TNS4: variants seen among roughly 807,000 people sequenced by gnomAD.
TNS4 encodes tensin 4.
In TNS4, 46 loss-of-function variants were observed where a neutral mutation model predicts 70.4. The observed-to-expected ratio is 0.65, with a 90% CI of 0.52 to 0.84. The LOEUF is 0.84. TNS4 is among the 40% of genes least tolerant of loss of function. TNS4 has a pLI of 0.00. For synonymous variants in TNS4, 390 were observed against 366.6 expected, an observed-to-expected ratio of 1.06 and a Z score of -0.73; for missense variants, 863 against 907.0, an observed-to-expected ratio of 0.95 and a Z score of 0.62.
intron 2 of TNS4, among the ~76,000 whole-genome samples, chr17:40,492,829 G>A (rs558743983): frequency 2.0e-5 from 3 of 152,090 alleles, no homozygotes; most frequent in South Asian, 2.1e-4. Context: ...CGAGGTGGAC[G>A]AGGTCAAGAG....
chr17:40,483,576 C>G (rs745967155), intron 6 of TNS4, among the ~76,000 whole-genome samples: 2 of 152,226 alleles, frequency 1.3e-5, no homozygotes, highest in African/African-American at 2.4e-5. Flanking sequence ...ACCAGGTCAT[C>G]TCTGCTGGAG....
In TNS4 at chr17:40,480,710, C is replaced by T; in HGVS notation, c.1731G>A (p.Lys577=). 6.4e-7 allele frequency: 1 copy of T among 1,563,122 alleles called. No homozygotes were observed. Among genetic ancestry groups the T allele is most frequent in the Non-Finnish European group, 8.6e-7 (1 of 1,159,162 alleles). ...TCCTGTACCACTCACCCGCAGATTT[C>T]TTCTGGCAGGAGGCTGGGCTGTCTG... ...DSTDSPASCQ[K]KSAGCHTLYL... Residue 577 remains lysine (K), a synonymous_variant, in exon 9 of 13, where the codon AAG becomes AAA. Coordinates refer to ENST00000254051, the MANE Select transcript of TNS4 (RefSeq NM_032865.6).
At position 40,476,511 on chromosome 17, in the gene TNS4, C is replaced by G. The variant is rs1343277559; in HGVS notation, c.*1077G>C. On this transcript the variant is annotated 3_prime_UTR_variant, in exon 13 of 13. Transcript: ENST00000254051. Reference sequence around the variant, plus strand: ...GAGATGGCCCTTATCTCTGCCCCCGCCGCCTAATATGCAACATTAGGGCAG... The same window carrying G: ...GAGATGGCCCTTATCTCTGCCCCCGGCGCCTAATATGCAACATTAGGGCAG... 1.3e-5 allele frequency: 2 copies of G among 151,678 alleles called. No individual in the cohort carries two copies. Among genetic ancestry groups the G allele is most frequent in the African/African-American group, 4.9e-5 (2 of 41,198 alleles). The allele number at this position is 151,678 out of a possible 1,614,324, so 9.4% of individuals were successfully genotyped here. A position where few individuals can be genotyped will look rare whatever the true frequency, so the allele number is the denominator to read the frequency against.
rs187091539 is a variant in TNS4, at chr17:40,488,746, G to A, written c.663C>T (p.Leu221=). ...TGGGGGAATTTGGGGGTCGAGGGGAGAGACCCTCTGAGGGGGGCAGAGGGC... is the reference window on the plus strand; with the variant it reads ...TGGGGGAATTTGGGGGTCGAGGGGAAAGACCCTCTGAGGGGGGCAGAGGGC... ...HQRPLPPSEG[L]SPRPPNSPSI... The change falls in exon 3 of 13, where the codon CTC becomes CTT. Residue 221 remains leucine, a synonymous_variant. Coordinates refer to ENST00000254051, the MANE Select transcript of TNS4 (RefSeq NM_032865.6). The A allele has an allele frequency of 1.3e-4, 209 of 1,600,066 alleles. 3 individuals carry two copies. The African/African-American group carries it at 2.4e-3, about 18-fold the overall frequency.
chr17:40,478,254 C>T (rs368965560), intron 12 of TNS4, 53 bp downstream of exon 12: 188 of 1,611,350 alleles, frequency 1.2e-4, no homozygotes, highest in Non-Finnish European at 1.4e-4. Context: ...CTCTTTCCTT[C>T]TGCAGTTCCC....
At chr17:40,491,614 C>A (rs1053374141) in intron 2 of TNS4, among the ~76,000 whole-genome samples, 1 of 151,670 alleles carries the variant, frequency 6.6e-6, no homozygotes, top group Non-Finnish European at 1.5e-5. Context: ...CTCACTGGGC[C>A]ATTGAAACAT....
At position 40,485,018 on chromosome 17, in the gene TNS4, A is replaced by T; in HGVS notation, c.1289-11T>A. 6.2e-7 allele frequency: 1 copy of T among 1,613,656 alleles called. No homozygotes were observed. Among genetic ancestry groups the T allele is most frequent in the East Asian group, 2.2e-5 (1 of 44,878 alleles). On this transcript the variant is annotated splice_polypyrimidine_tract_variant and intron_variant, in intron 4 of 12. Coordinates refer to ENST00000254051, the MANE Select transcript of TNS4 (RefSeq NM_032865.6). ...TGTCCCTGGCGGGACCTGGAGACAG[A>T]CAGAGAAGGGGGACCCTGTAGGCTG...
At position 40,488,887 on chromosome 17, in the gene TNS4, C is replaced by G; in HGVS notation, c.522G>C (p.Pro174=). ...CACCACTGCGAAGGGAGCCGAAGGG[C>G]GGGGTGACAGAGGGGCTGGAGCAGT... ...PQHCSSPSVT[P]PFGSLRSGGL... is the part of the protein sequence containing the mutation. Residue 174 remains proline (P), a synonymous_variant, in exon 3 of 13, where the codon CCG becomes CCC. Coordinates refer to ENST00000254051, the MANE Select transcript of TNS4 (RefSeq NM_032865.6). 1 of 1,612,700 alleles carries G rather than the reference C, an allele frequency of 6.2e-7. No homozygotes were observed. Among genetic ancestry groups the G allele is most frequent in the African/African-American group, 1.3e-5 (1 of 74,778 alleles).
chr17:40,479,706 C>G lies in TNS4; in HGVS notation c.1878G>C (p.Glu626Asp). 12 of 1,614,060 alleles carry G rather than the reference C, an allele frequency of 7.4e-6. No homozygotes were observed. The highest frequency in any genetic ancestry group is 9.3e-6 in the Non-Finnish European group (11 of 1,179,992). ...TPTVVHFKVT[E>D]QGITLTDVQR... ...GGACATCAGTCAGAGTGATGCCCTGCTCTGTGACTTTGAAGTGGACCACGG... is the reference window on the plus strand; with the variant it reads ...GGACATCAGTCAGAGTGATGCCCTGGTCTGTGACTTTGAAGTGGACCACGG... Residue 626 changes from glutamate to aspartate, a missense_variant, in exon 10 of 13, where the codon GAG (glutamate) becomes GAC (aspartate). Transcript: ENST00000254051.
At chr17:40,491,990 A>G (rs2036076038) in intron 2 of TNS4, among the ~76,000 whole-genome samples, 2 of 152,132 alleles carry the variant, frequency 1.3e-5, no homozygotes, top group Non-Finnish European at 2.9e-5. Flanking sequence ...AAAGAAAGGG[A>G]TATGGTGTTT....
rs927959784 is a variant in TNS4 at position 40,476,680 on chromosome 17, C to A, written c.*908G>T. Reference sequence around the variant, plus strand: ...AGGAGTTCAAGACCAGCCTGGCCAACATGGTGAAACCCTGTCTCTACTAAA... The same window carrying A: ...AGGAGTTCAAGACCAGCCTGGCCAAAATGGTGAAACCCTGTCTCTACTAAA... On this transcript the variant is annotated 3_prime_UTR_variant, in exon 13 of 13. Transcript: ENST00000254051. 1.3e-5 allele frequency: 2 copies of A among 151,964 alleles called. No homozygotes were observed. Among genetic ancestry groups the A allele is most frequent in the Non-Finnish European group, 2.9e-5 (2 of 68,044 alleles). The allele number at this position is 151,964 out of a possible 1,614,324, so 9.4% of individuals were successfully genotyped here.
intron 5 of TNS4, 98 bp from the exon 6 acceptor site, chr17:40,484,707 C>A: frequency 1.3e-6 from 2 of 1,546,086 alleles, no homozygotes; most frequent in African/African-American, 1.4e-5. Flanking sequence ...ACAGAGTCAC[C>A]TTTTGTCCCC....
Position 40,498,375 on chromosome 17 carries a change from G to A in TNS4, c.-95-1855C>T, listed in dbSNP as rs752295325. Among the ~76,000 whole-genome samples, 31 of 152,204 alleles carry A rather than the reference G, an allele frequency of 2.0e-4. 1 individual carries two copies. Among genetic ancestry groups the A allele is most frequent in the Non-Finnish European group, 2.1e-4 (14 of 68,042 alleles). ...TTATGGAACCAGTGAGGTGCTCCTTGTGAAGGTAGTTAGGCAATTCTAAAT... is the reference window on the plus strand; with the variant it reads ...TTATGGAACCAGTGAGGTGCTCCTTATGAAGGTAGTTAGGCAATTCTAAAT... On this transcript the variant is annotated intron_variant, in intron 1 of 12. Transcript: ENST00000254051.
rs1190271414 is a variant in TNS4 at position 40,488,699 on chromosome 17, C to T, written c.710G>A (p.Gly237Glu). 6.3e-7 allele frequency: 1 copy of T among 1,584,682 alleles called. No individual in the cohort carries two copies. The highest frequency in any genetic ancestry group is 8.6e-7 in the Non-Finnish European group (1 of 1,164,626). The change falls in exon 3 of 13, where the codon GGG becomes GAG. Residue 237 changes from glycine (G) to glutamate (E), a missense_variant. Transcript: ENST00000254051. ...NSPSISIPCM[G>E]SKASSPHGLG... ...ACCATGGGGGCTCGAGGCCTTGCTC[C>T]CCATGCAAGGGATTGAGATGCTGGG...
chr17:40,500,625 C>T (rs759307614), intron 1 of TNS4, among the ~76,000 whole-genome samples: 1 of 152,150 alleles, frequency 6.6e-6, no homozygotes, highest in Non-Finnish European at 1.5e-5. Flanking sequence ...TCCCCTCTTC[C>T]GTGTCATTGC....
chr17:40,492,637 A>G (rs2036089623), intron 2 of TNS4, among the ~76,000 whole-genome samples: 2 of 138,070 alleles, frequency 1.4e-5, no homozygotes, highest in African/African-American at 5.4e-5. Context: ...GCTGGGTGAT[A>G]TGGCTCATGC....
At chr17:40,479,586 C>A in intron 10 of TNS4, 88 bp downstream of exon 10, 1 of 1,510,026 alleles carries the variant, frequency 6.6e-7, no homozygotes, top group South Asian at 1.3e-5. Flanking sequence ...TGAACTTGAC[C>A]TTCATCCCTG....
chr17:40,483,870 G>A (rs2035958355), intron 6 of TNS4, among the ~76,000 whole-genome samples: 1 of 152,142 alleles, frequency 6.6e-6, no homozygotes, highest in Non-Finnish European at 1.5e-5. Flanking sequence ...GCAATCCTGG[G>A]GTTTGAGTGA....
At chr17:40,481,655 C>T (rs1431644895) in intron 8 of TNS4, among the ~76,000 whole-genome samples, 2 of 152,238 alleles carry the variant, frequency 1.3e-5, no homozygotes, top group Admixed American at 1.3e-4. Context: ...CGTGAGTCAC[C>T]ACGCCCAGCC....
Sources: gnomAD v4.1 joint callset for allele counts (sites outside exome capture counted in the v4.1 genomes callset) on GRCh38, gnomAD v4.1.1 for gene constraint, MANE v1.5 for transcripts, NCBI Gene and HGNC (gene_info 2026-07-23, HGNC 2026-07-21) for gene names.